SPATS2: variants seen among roughly 807,000 people sequenced by gnomAD.
The protein encoded by SPATS2 is spermatogenesis associated serine rich 2, also known as spermatogenesis-associated serine-rich protein 2.
Under a neutral mutation model 63.7 loss-of-function variants are expected in SPATS2, and 38 were observed. The ratio of observed to expected loss-of-function variants is 0.60; its 90% CI spans 0.46 to 0.78. The LOEUF is 0.78. Ranked by LOEUF, SPATS2 falls within the 30% of genes least tolerant of loss-of-function variation. The pLI, the probability that SPATS2 is intolerant of heterozygous loss-of-function variation, is 0.00. For synonymous variants in SPATS2, 207 were observed against 232.9 expected (o/e 0.89, Z 1.01); for missense variants, 588 against 666.2 (o/e 0.88, Z 1.29).
At chr12:49,402,386 G>A (rs527546375) in intron 2 of SPATS2, among the ~76,000 whole-genome samples, 52 of 152,142 alleles carry the variant, frequency 3.4e-4, no homozygotes, top group Non-Finnish European at 6.0e-4. Context: ...TCCTGGTGGG[G>A]TCAAAGGATT....
At chr12:49,399,518 G>A (rs1944568843) in intron 2 of SPATS2, among the ~76,000 whole-genome samples, 1 of 152,204 alleles carries the variant, frequency 6.6e-6, no homozygotes, top group Non-Finnish European at 1.5e-5. Flanking sequence ...GCATAGCAAG[G>A]CATCTTGTGT....
chr12:49,483,526 G>A (rs1946240761), intron 3 of SPATS2, among the ~76,000 whole-genome samples: 1 of 152,148 alleles, frequency 6.6e-6, no homozygotes, highest in South Asian at 2.1e-4. Context: ...CATTTGAGTA[G>A]CAGTCTAGAA....
chr12:49,436,572 T>C (rs1592393818), intron 2 of SPATS2, among the ~76,000 whole-genome samples: 1 of 95,074 alleles, frequency 1.1e-5, no homozygotes, highest in African/African-American at 4.1e-5. Context: ...CCTCCCCACC[T>C]CCCTCCCGGA....
intron 2 of SPATS2, among the ~76,000 whole-genome samples, chr12:49,418,787 T>C (rs1157096740): frequency 6.6e-6 from 1 of 152,126 alleles, no homozygotes; most frequent in South Asian, 2.1e-4. Flanking sequence ...TTTACAAAGC[T>C]TTGGTAGAAT....
intron 4 of SPATS2, among the ~76,000 whole-genome samples, 195 bp downstream of exon 4, chr12:49,484,864 A>G (rs1946262972): frequency 6.6e-6 from 1 of 152,190 alleles, no homozygotes; most frequent in South Asian, 2.1e-4. Context: ...ATTAAATGCA[A>G]ACATTTTCTT....
intron 3 of SPATS2, among the ~76,000 whole-genome samples, chr12:49,464,769 C>T (rs1184645993): frequency 6.6e-6 from 1 of 152,012 alleles, no homozygotes; most frequent in Admixed American, 6.6e-5. Flanking sequence ...TTTGAGGCTA[C>T]AGTGAGCTAT....
At chr12:49,486,762 CAG>C (rs772397779) in intron 4 of SPATS2, among the ~76,000 whole-genome samples, 32 of 138,680 alleles carry the variant, frequency 2.3e-4, no homozygotes, top group Non-Finnish European at 3.2e-4. Context: ...GCTTAGGCGA[CAG>C]AGCGAGACTC....
At chr12:49,468,155 GTTTT>G in intron 3 of SPATS2, among the ~76,000 whole-genome samples, 1 of 82,940 alleles carries the variant, frequency 1.2e-5, no homozygotes, top group South Asian at 3.9e-4. Context: ...TTTCTTTCTT[GTTTT>G]TTTTTTTCTT....
At chr12:49,388,405 T>C (rs1010707796) in intron 2 of SPATS2, among the ~76,000 whole-genome samples, 2 of 151,896 alleles carry the variant, frequency 1.3e-5, no homozygotes, top group Non-Finnish European at 2.9e-5. Context: ...ACAGGGTCTC[T>C]CTCTGTCACC....
At chr12:49,420,261 G>A (rs1944956630) in intron 2 of SPATS2, among the ~76,000 whole-genome samples, 1 of 152,078 alleles carries the variant, frequency 6.6e-6, no homozygotes, top group Non-Finnish European at 1.5e-5. Context: ...TTATTGTTAA[G>A]GGATTAAAAA....
intron 2 of SPATS2, among the ~76,000 whole-genome samples, chr12:49,414,270 T>C (rs1367541466): frequency 6.6e-6 from 1 of 152,156 alleles, no homozygotes; most frequent in Non-Finnish European, 1.5e-5. Context: ...TGATAGAACA[T>C]GTAGAGCTTA....
At chr12:49,501,858 A>G (rs1007533743) in intron 9 of SPATS2, among the ~76,000 whole-genome samples, 2 of 152,128 alleles carry the variant, frequency 1.3e-5, no homozygotes, top group Non-Finnish European at 2.9e-5. Flanking sequence ...ACCTCAGGTG[A>G]TCTGCCCATC....
intron 9 of SPATS2, among the ~76,000 whole-genome samples, chr12:49,507,728 T>C (rs563928618): frequency 6.6e-6 from 1 of 152,340 alleles, no homozygotes; most frequent in East Asian, 1.9e-4. Flanking sequence ...CACTTAAAAT[T>C]AGTTTGATTC....
intron 2 of SPATS2, among the ~76,000 whole-genome samples, chr12:49,446,235 T>G (rs1945508894): frequency 6.6e-6 from 1 of 152,196 alleles, no homozygotes; most frequent in Non-Finnish European, 1.5e-5. Flanking sequence ...TGTCTTTGTC[T>G]GGTTGCAGTA....
intron 13 of SPATS2, 141 bp downstream of exon 13, chr12:49,525,037 C>G (rs994597778): frequency 2.4e-6 from 2 of 835,422 alleles, no homozygotes; most frequent in Non-Finnish European, 3.7e-6. Flanking sequence ...CAAGTTAGTT[C>G]CTGAGAAAGC....
chr12:49,423,086 T>C (rs1003977022), intron 2 of SPATS2, among the ~76,000 whole-genome samples: 2 of 152,082 alleles, frequency 1.3e-5, no homozygotes, highest in African/African-American at 4.8e-5. Flanking sequence ...TCTTCCCTAT[T>C]TGGGGGAAAA....
chr12:49,370,852 G>A (rs1440977166), intron 1 of SPATS2, among the ~76,000 whole-genome samples: 1 of 151,982 alleles, frequency 6.6e-6, no homozygotes, highest in Admixed American at 6.6e-5. Flanking sequence ...GTACAATCAT[G>A]GCTCACTGTT....
chr12:49,425,821 G>T (rs1395201826), intron 2 of SPATS2, among the ~76,000 whole-genome samples: 1 of 150,750 alleles, frequency 6.6e-6, no homozygotes, highest in South Asian at 2.1e-4. Flanking sequence ...TAGTAGAGAC[G>T]GGGGTTTCAC....
At chr12:49,458,727 A>G (rs1371387101) in intron 2 of SPATS2, among the ~76,000 whole-genome samples, 1 of 144,054 alleles carries the variant, frequency 6.9e-6, no homozygotes, top group East Asian at 2.0e-4. Flanking sequence ...TGCAAATTCC[A>G]TCTCGTTTTT....
Sources: gnomAD v4.1 joint callset for allele counts (sites outside exome capture counted in the v4.1 genomes callset) on GRCh38, gnomAD v4.1.1 for gene constraint, MANE v1.5 for transcripts, NCBI Gene and HGNC (gene_info 2026-07-23, HGNC 2026-07-21) for gene names.